Variants in KRT8 observed in about 807,000 individuals in gnomAD.
KRT8 encodes keratin 8, also known as keratin, type II cytoskeletal 8.
In KRT8, 24 loss-of-function variants were observed where a neutral mutation model predicts 43.0. That is an observed-to-expected ratio of 0.56 (90% confidence interval 0.40 to 0.78). The LOEUF is 0.78. Among genes scored for constraint, KRT8 ranks in the 30% least tolerant of loss-of-function variants. KRT8 has a pLI of 0.00. For synonymous variants in KRT8, 214 were observed against 261.2 expected (o/e 0.82, Z 1.74); for missense variants, 492 against 638.4 (o/e 0.77, Z 2.47).
intron 3 of KRT8, 98 bp from the exon 4 acceptor site, chr12:52,900,781 T>C (rs1941349331): frequency 2.5e-6 from 2 of 807,350 alleles, no homozygotes; most frequent in South Asian, 1.4e-5. Flanking sequence ...CACAGGACTT[T>C]CTAGTTGCCC....
chr12:52,928,131 T>A (rs1164937053), intron 2 of KRT8, among the ~76,000 whole-genome samples: 3 of 152,200 alleles, frequency 2.0e-5, no homozygotes, highest in Non-Finnish European at 2.9e-5. Context: ...GAACTGAGTC[T>A]GCTGCTGGGA....
chr12:52,918,531 G>T (rs1941824098), intron 2 of KRT8, among the ~76,000 whole-genome samples: 1 of 152,226 alleles, frequency 6.6e-6, no homozygotes, highest in Non-Finnish European at 1.5e-5. Context: ...GCCTGCCCAT[G>T]CATGTTCTGC....
chr12:52,937,241 T>C (rs1942182873), intron 2 of KRT8, among the ~76,000 whole-genome samples: 1 of 151,304 alleles, frequency 6.6e-6, no homozygotes, highest in Admixed American at 6.6e-5. Flanking sequence ...TGTGGCAGCA[T>C]GCACCTGTAA....
At chr12:52,899,715 T>C in intron 5 of KRT8, 60 bp downstream of exon 5, 2 of 1,477,490 alleles carry the variant, frequency 1.4e-6, no homozygotes, top group Non-Finnish European at 1.9e-6. Context: ...TCTTCCTACA[T>C]TATCTCCTCT....
exon 6 of KRT8, chr12:52,898,717 G>T (rs770961214): frequency 6.2e-7 from 1 of 1,614,086 alleles, no homozygotes; most frequent in African/African-American, 1.3e-5. Context: ...TGTAGGTGGC[G>T]ATCTCGATGT....
chr12:52,923,846 A>T (rs1941936609), intron 2 of KRT8, among the ~76,000 whole-genome samples: 1 of 151,702 alleles, frequency 6.6e-6, no homozygotes, highest in Non-Finnish European at 1.5e-5. Context: ...TGAGAAAAGC[A>T]TTATATATTT....
At chr12:52,932,660 C>T (rs1166315724) in intron 2 of KRT8, among the ~76,000 whole-genome samples, 1 of 152,006 alleles carries the variant, frequency 6.6e-6, no homozygotes. Flanking sequence ...AAAATCCCAG[C>T]CATGGGCAGT....
At chr12:52,940,199 G>A (rs968812257) in intron 2 of KRT8, among the ~76,000 whole-genome samples, 11 of 152,166 alleles carry the variant, frequency 7.2e-5, no homozygotes, top group African/African-American at 2.2e-4. Context: ...TTGGGAGGCC[G>A]AGGTGGATGG....
intron 2 of KRT8, among the ~76,000 whole-genome samples, chr12:52,930,536 C>T (rs956226652): frequency 6.7e-6 from 1 of 148,522 alleles, no homozygotes; most frequent in African/African-American, 2.5e-5. Flanking sequence ...TTCTGTCTTC[C>T]AAACTTTCCT....
At chr12:52,948,943 G>C (rs1235981657) in intron 2 of KRT8, 1 of 437,162 alleles carries the variant, frequency 2.3e-6, no homozygotes, top group African/African-American at 2.1e-5. Flanking sequence ...TGGGGGGTGA[G>C]CGGGGCTTGG....
At chr12:52,949,369 G>A in intron 2 of KRT8, 1 of 1,610,516 alleles carries the variant, frequency 6.2e-7, no homozygotes, top group Non-Finnish European at 8.5e-7. Context: ...CCTGGCCACC[G>A]GGATAGCCGG....
chr12:52,902,514 G>C (rs1480730641), intron 1 of KRT8, among the ~76,000 whole-genome samples: 1 of 152,148 alleles, frequency 6.6e-6, no homozygotes. Context: ...CTCCCGAGTA[G>C]CTGGGGCTAC....
intron 2 of KRT8, among the ~76,000 whole-genome samples, chr12:52,912,863 T>C (rs1318255837): frequency 6.6e-6 from 1 of 152,240 alleles, no homozygotes. Context: ...TGGCCTAATA[T>C]GTCTCACAGT....
chr12:52,920,598 A>T (rs919199201), intron 2 of KRT8, among the ~76,000 whole-genome samples: 4 of 151,930 alleles, frequency 2.6e-5, no homozygotes, highest in African/African-American at 7.3e-5. Flanking sequence ...ACTCCATCTG[A>T]AAAAAAATTA....
upstream of KRT8, chr12:52,906,984 G>A (rs186211001): frequency 2.6e-5 from 9 of 344,072 alleles, no homozygotes; most frequent in East Asian, 8.2e-5. Context: ...CACAATGCAC[G>A]CGTGCATACA....
At chr12:52,900,184 G>T in intron 4 of KRT8, 119 bp from the exon 5 acceptor site, 1 of 1,006,048 alleles carries the variant, frequency 9.9e-7, no homozygotes, top group Non-Finnish European at 1.5e-6. Flanking sequence ...GCAGGTGGGA[G>T]TCAGGGTCAG....
At chr12:52,897,422 A>C in exon 8 of KRT8, 1 of 1,598,702 alleles carries the variant, frequency 6.3e-7, no homozygotes, top group South Asian at 1.1e-5. Flanking sequence ...GGGCTGCCGC[A>C]GCTGTTCACT....
intron 5 of KRT8, 71 bp from the exon 6 acceptor site, chr12:52,898,970 C>CT: frequency 7.4e-7 from 1 of 1,353,482 alleles, no homozygotes; most frequent in Non-Finnish European, 1.0e-6. Context: ...CCCACCCTCC[C>CT]TCAGGGTCCT....
intron 2 of KRT8, among the ~76,000 whole-genome samples, chr12:52,923,394 AC>A (rs1159588658): frequency 6.6e-6 from 1 of 152,082 alleles, no homozygotes; most frequent in Non-Finnish European, 1.5e-5. Context: ...AAGGGGCAGG[AC>A]CATTTATTCC....
Sources: gnomAD v4.1 joint callset for allele counts (sites outside exome capture counted in the v4.1 genomes callset) on GRCh38, gnomAD v4.1.1 for gene constraint, MANE v1.5 for transcripts, NCBI Gene and HGNC (gene_info 2026-07-23, HGNC 2026-07-21) for gene names.